The following CABIN1 variants were observed in gnomAD, a reference collection of about 807,000 sequenced individuals.
CABIN1 encodes the protein calcineurin binding protein 1.
In CABIN1, 133 loss-of-function variants were observed where a neutral mutation model predicts 227.7. That is an observed-to-expected ratio of 0.58 (90% CI 0.51 to 0.67). The LOEUF is 0.67. CABIN1 is among the 30% of genes least tolerant of loss of function. The pLI is 0.00. For synonymous variants in CABIN1, 1,086 were observed against 1,155.1 expected, an observed-to-expected ratio of 0.94 and a Z score of 1.21; for missense variants, 2,408 against 2,852.5, an observed-to-expected ratio of 0.84 and a Z score of 3.55.
chr22:24,024,782 C>T (rs532144265), intron 1 of CABIN1, among the ~76,000 whole-genome samples: 1 of 152,168 alleles, frequency 6.6e-6, no homozygotes, highest in African/African-American at 2.4e-5. Flanking sequence ...TTTATTTCGC[C>T]TGCTCACATT....
chr22:24,157,565 A>T lies in CABIN1; in HGVS notation c.4747-6835A>T, dbSNP rs1377360858. On this transcript the variant is annotated intron_variant, in intron 29 of 36. Coordinates refer to ENST00000263119, the MANE Select transcript of CABIN1 (RefSeq NM_012295.4). Reference sequence around the variant, plus strand: ...CCCCCAGCAAGGTGTAAGTGAAATCATGTGTTAAAGGAGCTGGGCAGGCAG... The same window carrying T: ...CCCCCAGCAAGGTGTAAGTGAAATCTTGTGTTAAAGGAGCTGGGCAGGCAG... Among the ~76,000 whole-genome samples, 3 of 152,162 alleles carry T rather than the reference A, an allele frequency of 2.0e-5. No homozygotes were observed. In the East Asian group the frequency reaches 5.8e-4, roughly 29 times the overall value.
intron 34 of CABIN1, among the ~76,000 whole-genome samples, chr22:24,172,843 G>A (rs576978804): frequency 9.7e-4 from 148 of 152,318 alleles, no homozygotes; most frequent in African/African-American, 3.4e-3. Flanking sequence ...TTCAGCTCAG[G>A]CCTGGGCCAG....
intron 6 of CABIN1, among the ~76,000 whole-genome samples, chr22:24,043,819 G>T (rs1348968109): frequency 6.6e-6 from 1 of 152,212 alleles, no homozygotes; most frequent in Non-Finnish European, 1.5e-5. Context: ...GGTACAATTT[G>T]TCCTGAGACA....
At chr22:24,018,001 G>A (rs2035429673) in intron 1 of CABIN1, among the ~76,000 whole-genome samples, 1 of 152,008 alleles carries the variant, frequency 6.6e-6, no homozygotes. Context: ...CTACAGATGT[G>A]TACCACCATG....
chr22:24,016,617 T>C (rs975510312), intron 1 of CABIN1, among the ~76,000 whole-genome samples: 3 of 152,228 alleles, frequency 2.0e-5, no homozygotes, highest in African/African-American at 4.8e-5. Context: ...ATTCTGTGCA[T>C]ATGTATTTTT....
intron 29 of CABIN1, among the ~76,000 whole-genome samples, chr22:24,145,728 C>T (rs1460267329): frequency 2.6e-5 from 4 of 152,206 alleles, no homozygotes; most frequent in Non-Finnish European, 5.9e-5. Context: ...CAAGCAGTGT[C>T]CTCAGTGGAG....
At chr22:24,067,311 A>G (rs1236807459) in intron 16 of CABIN1, 130 bp downstream of exon 16, 4 of 934,906 alleles carry the variant, frequency 4.3e-6, no homozygotes, top group Non-Finnish European at 6.8e-6. Context: ...CAAAACCACT[A>G]AGCCCCCAGG....
At chr22:24,053,708 A>G (rs1418063105) in intron 8 of CABIN1, among the ~76,000 whole-genome samples, 1 of 151,910 alleles carries the variant, frequency 6.6e-6, no homozygotes, top group Non-Finnish European at 1.5e-5. Flanking sequence ...TCCTTTCTCA[A>G]CACTTCCTGG....
intron 34 of CABIN1, among the ~76,000 whole-genome samples, chr22:24,174,763 A>C (rs555356267): frequency 1.4e-3 from 214 of 152,006 alleles, no homozygotes; most frequent in Non-Finnish European, 2.5e-3. Context: ...CTTTCTATAA[A>C]CAGCTGAGTG....
At chr22:24,028,468 T>C (rs1409162017) in intron 1 of CABIN1, among the ~76,000 whole-genome samples, 1 of 152,244 alleles carries the variant, frequency 6.6e-6, no homozygotes, top group Non-Finnish European at 1.5e-5. Context: ...GAGGTACTTC[T>C]GAAGCTTGCC....
intron 1 of CABIN1, among the ~76,000 whole-genome samples, chr22:24,027,102 T>C (rs1035162471): frequency 6.6e-6 from 1 of 152,260 alleles, no homozygotes; most frequent in Admixed American, 6.5e-5. Context: ...TTTGTACATA[T>C]TTTGTTATAT....
At chr22:24,055,255 A>T in intron 9 of CABIN1, 96 bp downstream of exon 9, 2 of 1,395,626 alleles carry the variant, frequency 1.4e-6, no homozygotes, top group Non-Finnish European at 2.0e-6. Flanking sequence ...CCTAGACAGA[A>T]GGGTCATGCT....
At chr22:24,031,808 G>A (rs1279745566) in intron 1 of CABIN1, among the ~76,000 whole-genome samples, 1 of 152,186 alleles carries the variant, frequency 6.6e-6, no homozygotes, top group African/African-American at 2.4e-5. Flanking sequence ...GAGTCATCAG[G>A]GTGTGGCTTG....
At chr22:24,033,635 C>T (rs978639301) in intron 1 of CABIN1, among the ~76,000 whole-genome samples, 1 of 152,180 alleles carries the variant, frequency 6.6e-6, no homozygotes, top group Non-Finnish European at 1.5e-5. Context: ...TATCCCCATC[C>T]CAGTTCCTCG....
At chr22:24,151,118 C>G (rs566364853) in intron 29 of CABIN1, among the ~76,000 whole-genome samples, 1 of 152,228 alleles carries the variant, frequency 6.6e-6, no homozygotes, top group Admixed American at 6.5e-5. Flanking sequence ...CTTGGAGGTA[C>G]CAGCTCTGCC....
chr22:24,129,619 G>A (rs1483135400), intron 28 of CABIN1, among the ~76,000 whole-genome samples: 2 of 152,240 alleles, frequency 1.3e-5, no homozygotes, highest in African/African-American at 2.4e-5. Context: ...TGTCCTGGAG[G>A]AGCCATCAGT....
At chr22:24,127,421 G>A (rs557967279) in intron 28 of CABIN1, among the ~76,000 whole-genome samples, 151 of 152,358 alleles carry the variant, frequency 9.9e-4, no homozygotes, top group African/African-American at 3.5e-3. Context: ...GTCCACACAG[G>A]TGGAGAAGAA....
chr22:24,114,648 A>G (rs1261968619), intron 27 of CABIN1, among the ~76,000 whole-genome samples: 2 of 152,180 alleles, frequency 1.3e-5, no homozygotes, highest in African/African-American at 4.8e-5. Context: ...GGATGGGGAA[A>G]AACGCTGGTG....
chr22:24,143,125 T>C (rs13057834), intron 29 of CABIN1, among the ~76,000 whole-genome samples: 2,901 of 152,290 alleles, frequency 0.019, 37 homozygotes, highest in South Asian at 0.036. Context: ...GTCCTATCAC[T>C]AGTCTGTGCT....
Sources: allele counts gnomAD v4.1 joint callset (sites outside exome capture counted in the v4.1 genomes callset), GRCh38; gene constraint gnomAD v4.1.1; transcripts MANE v1.5; gene names NCBI Gene and HGNC (gene_info 2026-07-23, HGNC 2026-07-21).